Variants in MMP1 observed in about 807,000 individuals in gnomAD.
The protein encoded by MMP1 is matrix metallopeptidase 1.
In MMP1, 51 loss-of-function variants were observed where a neutral mutation model predicts 49.6. That is an observed-to-expected ratio of 1.03 (90% CI 0.82 to 1.30). MMP1 has a LOEUF of 1.30. MMP1 is among the 50% of genes most tolerant of loss of function. MMP1 has a pLI of 0.00. For missense variants in MMP1, 623 were observed against 568.7 expected (o/e 1.10, Z -0.97); for synonymous variants, 230 against 196.8 (o/e 1.17, Z -1.41).
Position 102,789,958 on chromosome 11 carries a change from A to C in MMP1, c.*454T>G, listed in dbSNP as rs1857975460. 2.0e-5 allele frequency: 3 copies of C among 152,496 alleles called. No homozygotes were observed. The highest frequency in any genetic ancestry group is 4.1e-4 in the South Asian group (2 of 4,834). 9.4% of individuals were successfully genotyped at this position (152,496 alleles called of 1,614,324 possible). On this transcript the variant is annotated 3_prime_UTR_variant, in exon 10 of 10. Coordinates refer to ENST00000315274, the MANE Select transcript of MMP1 (RefSeq NM_002421.4). ...CAAGGTTGACTTTATTCCAAACATA[A>C]AACACTTATTTTGTGTTAGAAGAGT...
Position 102,795,484 on chromosome 11 carries a change from T to C in MMP1, c.749A>G (p.Gln250Arg), listed in dbSNP as rs752020420. 6.2e-7 allele frequency: 1 copy of C among 1,614,034 alleles called. No homozygotes were observed. Residue 250 changes from glutamine to arginine, a missense_variant, in exon 5 of 10, where the codon CAG becomes CGG. By Grantham distance (43) the Gln-to-Arg change is conservative (BLOSUM62 1). Transcript: ENST00000315274. ...YTFSGDVQLA[Q>R]DDIDGIQAIY... ...GGCTTGGATGCCATCAATGTCATCCTGAGCTAGCTGAACATCACCACTGAA... is the reference window on the plus strand; with the variant it reads ...GGCTTGGATGCCATCAATGTCATCCCGAGCTAGCTGAACATCACCACTGAA...
chr11:102,794,087 T>G lies in MMP1; in HGVS notation c.899+1087A>C, dbSNP rs1858109875. 6.6e-6 allele frequency among the ~76,000 whole-genome samples: 1 copy of G among 152,264 alleles called. No individual in the cohort carries two copies. The highest frequency in any genetic ancestry group is 1.5e-5 in the Non-Finnish European group (1 of 68,048). The stretch of plus-strand genomic sequence containing the variant: ...AATATTTGGTTTGATAGGTGTGTCC[T>G]GTTGTACTGAGAGGTTTCCTTTAAA... On this transcript the variant is annotated intron_variant, in intron 6 of 9. Coordinates refer to ENST00000315274, the MANE Select transcript of MMP1 (RefSeq NM_002421.4). This position sits in a 1 kb window ranked among gnomAD's most constrained non-coding sequence, Gnocchi z 4.3.
In MMP1 at chr11:102,796,718, T is replaced by C. The variant is rs17879973; in HGVS notation, c.571A>G (p.Ile191Val). 1.4e-4 allele frequency: 227 copies of C among 1,614,000 alleles called. 1 individual carries two copies. In the African/African-American group the frequency reaches 2.8e-3, roughly 20 times the overall value. ...LAHAFQPGPG[I>V]GGDAHFDEDE... is the part of the protein sequence containing the mutation. ...TCATCAAAATGAGCATCCCCTCCAA[T>C]ACCTGGGCCTGGTTGAAAAGCATGA... The change falls in exon 4 of 10, where the codon ATT becomes GTT. Residue 191 changes from isoleucine to valine, a missense_variant. Coordinates refer to ENST00000315274, the MANE Select transcript of MMP1 (RefSeq NM_002421.4).
At position 102,791,398 on chromosome 11, in the gene MMP1, G is replaced by T. The variant is rs771828231; in HGVS notation, c.1131C>A (p.Ile377=). 1 of 1,614,018 alleles carries T rather than the reference G, an allele frequency of 6.2e-7. No individual in the cohort carries two copies. The highest frequency in any genetic ancestry group is 8.5e-7 in the Non-Finnish European group (1 of 1,179,900). The part of the protein sequence containing the change: ...SFGFPRTVKH[I]DAALSEENTG... ...TGTTTTCCTCAGAAAGAGCAGCATCGATATGCTTCACAGTTCTAGGGAAGC... is the reference window on the plus strand; with the variant it reads ...TGTTTTCCTCAGAAAGAGCAGCATCTATATGCTTCACAGTTCTAGGGAAGC... Residue 377 remains isoleucine, a synonymous_variant, in exon 8 of 10, where the codon ATC becomes ATA. Transcript: ENST00000315274.
Position 102,791,410 on chromosome 11 carries a change from A to G in MMP1, c.1119T>C (p.Thr373=). Residue 373 remains threonine, a synonymous_variant, in exon 8 of 10, where the codon ACT becomes ACC. Transcript: ENST00000315274. ...AAAGAGCAGCATCGATATGCTTCAC[A>G]GTTCTAGGGAAGCCAAAGGAGCTGT... ...DIYSSFGFPR[T]VKHIDAALSE... 1 of 1,614,052 alleles carries G rather than the reference A, an allele frequency of 6.2e-7. No homozygotes were observed. Among genetic ancestry groups the G allele is most frequent in the Non-Finnish European group, 8.5e-7 (1 of 1,179,886 alleles).
In MMP1 at chr11:102,789,987, C is replaced by T. The variant is rs542694581; in HGVS notation, c.*425G>A. 19 of 153,400 alleles carry T rather than the reference C, an allele frequency of 1.2e-4. No homozygotes were observed. Among genetic ancestry groups the T allele is most frequent in the Admixed American group, 5.2e-4 (8 of 15,358 alleles). 9.5% of individuals were successfully genotyped at this position (153,400 alleles called of 1,614,324 possible). On this transcript the variant is annotated 3_prime_UTR_variant, in exon 10 of 10. Transcript: ENST00000315274. ...ACTTATTTTGTGTTAGAAGAGTTAT[C>T]CCTTGCCTATCCAGGGTGACACCAG...
intron 1 of MMP1, 108 bp downstream of exon 1, chr11:102,797,880 A>G: frequency 1.2e-6 from 1 of 859,500 alleles, no homozygotes; most frequent in Non-Finnish European, 1.7e-6. Flanking sequence ...AGCAAAAAAA[A>G]AAAAAATCTC....
chr11:102,790,539 G>C lies in MMP1; in HGVS notation c.1301-18C>G. 6.7e-7 allele frequency: 1 copy of C among 1,486,290 alleles called. No homozygotes were observed. Among genetic ancestry groups the C allele is most frequent in the Non-Finnish European group, 9.3e-7 (1 of 1,074,262 alleles). The allele number at this position is 1,486,290 out of a possible 1,614,324, so 92.1% of individuals were successfully genotyped here. A position where few individuals can be genotyped will look rare whatever the true frequency, so the allele number is the denominator to read the frequency against. ...GAAAAATCCTAGAAACAAAACAAAAGAGACTTACTACATTATACAAGTAGT... is the reference window on the plus strand; with the variant it reads ...GAAAAATCCTAGAAACAAAACAAAACAGACTTACTACATTATACAAGTAGT... On this transcript the variant is annotated intron_variant, in intron 9 of 9. Coordinates refer to ENST00000315274, the MANE Select transcript of MMP1 (RefSeq NM_002421.4).
At position 102,795,265 on chromosome 11, in the gene MMP1, T is replaced by C. The variant is rs746320100; in HGVS notation, c.808A>G (p.Ile270Val). Residue 270 changes from isoleucine to valine, a missense_variant, in exon 6 of 10, where the codon ATC becomes GTC. Transcript: ENST00000315274. The part of the protein sequence containing the change: ...YGRSQNPVQP[I>V]GPQTPKACDS... The stretch of plus-strand genomic sequence containing the variant: ...CACGCTTTTGGGGTTTGTGGGCCGA[T>C]GGGCTGGACAGGATTTTGGGAACGT... The C allele has an allele frequency of 2.5e-5, 40 of 1,614,072 alleles. No homozygotes were observed. Among genetic ancestry groups the C allele is most frequent in the Non-Finnish European group, 3.3e-5 (39 of 1,180,002 alleles).
intron 4 of MMP1, among the ~76,000 whole-genome samples, 185 bp from the exon 5 acceptor site, chr11:102,795,792 A>G (rs1264131458): frequency 6.6e-6 from 1 of 152,238 alleles, no homozygotes; most frequent in Non-Finnish European, 1.5e-5. Flanking sequence ...ACGAAGAGAC[A>G]TGTTGAAACC....
intron 6 of MMP1, among the ~76,000 whole-genome samples, chr11:102,793,485 G>T (rs1033190772): frequency 1.1e-4 from 17 of 152,160 alleles, no homozygotes; most frequent in Non-Finnish European, 8.8e-5. Context: ...AAATTTAACA[G>T]TCAGCTTTGG....
intron 8 of MMP1, 105 bp downstream of exon 8, chr11:102,791,228 A>G: frequency 8.2e-7 from 1 of 1,215,952 alleles, no homozygotes; most frequent in Non-Finnish European, 1.2e-6. Context: ...TCTGAAGGAA[A>G]GGATGCCGGC....
rs750068778 is a variant in MMP1, at chr11:102,790,512, T to G, written c.1310A>C (p.Tyr437Ser). ...GTATTGTCTTGTTCCATGAAAGAAA[T>G]AGAAAAATCCTAGAAACAAAACAAA... ...DAVFMKDGFF[Y>S]FFHGTRQYKF... Residue 437 changes from tyrosine (Y) to serine (S), a missense_variant, in exon 10 of 10, where the codon TAT becomes TCT. Transcript: ENST00000315274. 6.3e-7 allele frequency: 1 copy of G among 1,585,804 alleles called. No individual in the cohort carries two copies. The highest frequency in any genetic ancestry group is 8.6e-7 in the Non-Finnish European group (1 of 1,161,686).
In MMP1 at chr11:102,791,204, A is replaced by G. The variant is rs1205506635; in HGVS notation, c.1196+129T>C. The G allele has an allele frequency of 3.4e-5, 31 of 904,562 alleles. No homozygotes were observed. The Admixed American group carries it at 6.6e-4, about 19-fold the overall frequency. The allele number at this position is 904,562 out of a possible 1,614,324, so 56.0% of individuals were successfully genotyped here. On this transcript the variant is annotated intron_variant, in intron 8 of 9. Coordinates refer to ENST00000315274, the MANE Select transcript of MMP1 (RefSeq NM_002421.4). Reference sequence around the variant, plus strand: ...GGTCAATAGACTAAATAGATGATAGATTGGCACCAGCCATCTGAAGGAAAG... The same window carrying G: ...GGTCAATAGACTAAATAGATGATAGGTTGGCACCAGCCATCTGAAGGAAAG...
chr11:102,790,821 G>T lies in MMP1; in HGVS notation c.1197-15C>A. The T allele has an allele frequency of 6.9e-7, 1 of 1,452,994 alleles. No individual in the cohort carries two copies. 90.0% of individuals were successfully genotyped at this position (1,452,994 alleles called of 1,614,324 possible). ...ATTCATCATACCTGGTCAGAAAAGA[G>T]TTAAGAGTGTCAGACCTTTTGCTAA... On this transcript the variant is annotated splice_polypyrimidine_tract_variant and intron_variant, in intron 8 of 9. Coordinates refer to ENST00000315274, the MANE Select transcript of MMP1 (RefSeq NM_002421.4).
In MMP1 at chr11:102,791,642, A is replaced by G. The variant is rs554434088; in HGVS notation, c.1034-147T>C. On this transcript the variant is annotated intron_variant, in intron 7 of 9. Coordinates refer to ENST00000315274, the MANE Select transcript of MMP1 (RefSeq NM_002421.4). ...TCTAGGGAGATTTTTGAAAATACTG[A>G]TGCCAGGACCCTATCCCAGACCAAT... 10 of 794,826 alleles carry G rather than the reference A, an allele frequency of 1.3e-5. No homozygotes were observed. In the African/African-American group the frequency reaches 1.5e-4, roughly 12 times the overall value. The allele number at this position is 794,826 out of a possible 1,614,324, so 49.2% of individuals were successfully genotyped here. A position where few individuals can be genotyped will look rare whatever the true frequency, so the allele number is the denominator to read the frequency against.
chr11:102,795,896 CACGT>C (rs1858174473), intron 4 of MMP1, among the ~76,000 whole-genome samples: 1 of 152,164 alleles, frequency 6.6e-6, no homozygotes, highest in Non-Finnish European at 1.5e-5. Context: ...GATTAAATGA[CACGT>C]ACTATTTCAC....
chr11:102,794,539 T>C lies in MMP1; in HGVS notation c.899+635A>G, dbSNP rs470221. On this transcript the variant is annotated intron_variant, in intron 6 of 9. Coordinates refer to ENST00000315274, the MANE Select transcript of MMP1 (RefSeq NM_002421.4). This position sits in a 1 kb window ranked among gnomAD's most constrained non-coding sequence, Gnocchi z 4.3. ...TTCTTCTTTGAAGAGGGAAGCACCATGTTGTGGCTGCCCCTATCTGTCCCA... is the reference window on the plus strand; with the variant it reads ...TTCTTCTTTGAAGAGGGAAGCACCACGTTGTGGCTGCCCCTATCTGTCCCA... Among the ~76,000 whole-genome samples, 117,319 of 152,080 alleles carry C rather than the reference T, an allele frequency of 0.77. 45,656 individuals carry two copies. The highest frequency in any genetic ancestry group is 0.88 in the East Asian group (4,575 of 5,182).
At chr11:102,791,984 A>T (rs1192999127) in intron 7 of MMP1, among the ~76,000 whole-genome samples, 1 of 152,204 alleles carries the variant, frequency 6.6e-6, no homozygotes, top group African/African-American at 2.4e-5. Context: ...CTGTGTCCAG[A>T]TTCCGTGTTT....
Sources: gnomAD v4.1 joint callset for allele counts (sites outside exome capture counted in the v4.1 genomes callset) on GRCh38, gnomAD v4.1.1 for gene constraint, Gnocchi (gnomAD v3.1) non-coding constraint, MANE v1.5 for transcripts, NCBI Gene and HGNC (gene_info 2026-07-23, HGNC 2026-07-21) for gene names.